The following TRIO variants were observed in gnomAD, a reference collection of about 807,000 sequenced individuals.
TRIO encodes the protein triple functional domain protein.
In TRIO, 58 loss-of-function variants were observed where a neutral mutation model predicts 351.9. The observed-to-expected ratio is 0.16, with a 90% CI of 0.13 to 0.21. TRIO has a LOEUF of 0.21. Ranked by LOEUF, TRIO falls within the 10% of genes least tolerant of loss-of-function variation. The pLI, the probability that TRIO is intolerant of heterozygous loss-of-function variation, is 1.00. For synonymous variants in TRIO, 1,758 were observed against 1,595.7 expected (o/e 1.10, Z -2.42); for missense variants, 3,201 against 4,027.8 (o/e 0.79, Z 5.56).
chr5:14,346,773 A>G (rs1166512895), intron 11 of TRIO, among the ~76,000 whole-genome samples: 3 of 152,256 alleles, frequency 2.0e-5, no homozygotes, highest in Admixed American at 2.0e-4. Context: ...AGTATGGGCT[A>G]TCTCTTAGTT....
intron 34 of TRIO, among the ~76,000 whole-genome samples, chr5:14,455,861 G>A (rs971965293): frequency 4.6e-5 from 7 of 152,368 alleles, no homozygotes; most frequent in African/African-American, 1.4e-4. Context: ...GGCCACAGGC[G>A]GAGCTGCCCG....
At chr5:14,238,939 A>G (rs753434970) in intron 1 of TRIO, among the ~76,000 whole-genome samples, 9 of 152,226 alleles carry the variant, frequency 5.9e-5, no homozygotes, top group Non-Finnish European at 1.2e-4. Context: ...AAAAACAGGT[A>G]CTTCGTAGGA....
At chr5:14,428,157 A>G (rs1750802618) in intron 34 of TRIO, among the ~76,000 whole-genome samples, 2 of 152,146 alleles carry the variant, frequency 1.3e-5, no homozygotes, top group Admixed American at 6.5e-5. Flanking sequence ...TGCTTATAAC[A>G]TTTCCGTGAC....
chr5:14,313,103 T>A (rs1272872204), intron 8 of TRIO, among the ~76,000 whole-genome samples: 1 of 152,240 alleles, frequency 6.6e-6, no homozygotes, highest in Non-Finnish European at 1.5e-5. Context: ...TGGAGTTCCA[T>A]GCTGTCTGGT....
At chr5:14,318,650 A>G (rs1026015748) in intron 9 of TRIO, among the ~76,000 whole-genome samples, 1 of 152,236 alleles carries the variant, frequency 6.6e-6, no homozygotes, top group African/African-American at 2.4e-5. Flanking sequence ...GAAAGAATAC[A>G]GTGCAGGAAA....
At chr5:14,458,866 C>T (rs939420261) in intron 34 of TRIO, among the ~76,000 whole-genome samples, 1 of 152,200 alleles carries the variant, frequency 6.6e-6, no homozygotes, top group Admixed American at 6.5e-5. Flanking sequence ...GGATTTCATT[C>T]TTTTCCTACC....
intron 1 of TRIO, among the ~76,000 whole-genome samples, chr5:14,190,496 A>T (rs1790389243): frequency 1.3e-5 from 2 of 152,072 alleles, no homozygotes. Context: ...AAGAAATCTG[A>T]GTCAGTCTGA....
At chr5:14,277,330 GTTTGTTTTTGTT>G (rs761287976) in intron 2 of TRIO, among the ~76,000 whole-genome samples, 1 of 152,142 alleles carries the variant, frequency 6.6e-6, no homozygotes, top group Non-Finnish European at 1.5e-5. Flanking sequence ...ACAAAAACTG[GTTTGTTTTTGTT>G]TTTGTTTTTT....
At chr5:14,187,241 A>G (rs1279434230) in intron 1 of TRIO, among the ~76,000 whole-genome samples, 1 of 152,228 alleles carries the variant, frequency 6.6e-6, no homozygotes, top group East Asian at 1.9e-4. Flanking sequence ...TTCAAAATGT[A>G]GTATATAGCA....
intron 19 of TRIO, among the ~76,000 whole-genome samples, 185 bp downstream of exon 19, chr5:14,374,528 A>G (rs950778890): frequency 2.6e-5 from 4 of 152,234 alleles, no homozygotes; most frequent in African/African-American, 9.6e-5. Context: ...TTATAGGTTG[A>G]TATTATATTG....
chr5:14,232,625 T>G (rs1793513687), intron 1 of TRIO, among the ~76,000 whole-genome samples: 1 of 152,222 alleles, frequency 6.6e-6, no homozygotes, highest in Non-Finnish European at 1.5e-5. Flanking sequence ...TTGTCCACCA[T>G]GTTTTATGCT....
At chr5:14,168,369 C>A (rs371503597) in intron 1 of TRIO, among the ~76,000 whole-genome samples, 2 of 152,226 alleles carry the variant, frequency 1.3e-5, no homozygotes, top group Non-Finnish European at 2.9e-5. Context: ...GGAGGTCCCA[C>A]GTAGGTGAAC....
At chr5:14,244,863 A>G (rs979285525) in intron 1 of TRIO, among the ~76,000 whole-genome samples, 2 of 152,150 alleles carry the variant, frequency 1.3e-5, no homozygotes, top group Non-Finnish European at 2.9e-5. Flanking sequence ...AGCACAGGGT[A>G]AATGAGGTTT....
intron 1 of TRIO, among the ~76,000 whole-genome samples, chr5:14,261,404 G>C (rs543680025): frequency 4.6e-5 from 7 of 152,314 alleles, no homozygotes; most frequent in Non-Finnish European, 1.0e-4. Flanking sequence ...ATGGAGTCAC[G>C]TGAGCCCTCA....
intron 1 of TRIO, among the ~76,000 whole-genome samples, chr5:14,158,754 C>T (rs181183699): frequency 6.6e-6 from 1 of 152,146 alleles, no homozygotes; most frequent in South Asian, 2.1e-4. Flanking sequence ...TTGCTTGAGC[C>T]TAGGAGTTTG....
chr5:14,395,816 C>A (rs1468941634), intron 28 of TRIO, among the ~76,000 whole-genome samples: 2 of 152,102 alleles, frequency 1.3e-5, no homozygotes, highest in Admixed American at 1.3e-4. Context: ...GAGGCCGAGG[C>A]AGGCGGATCA....
chr5:14,333,973 C>G (rs1164519941), intron 10 of TRIO, among the ~76,000 whole-genome samples: 1 of 152,238 alleles, frequency 6.6e-6, no homozygotes, highest in East Asian at 1.9e-4. Context: ...CTCCCTGACT[C>G]TGATATCCTC....
In TRIO at chr5:14,286,936, T is replaced by A. The variant is rs1337870238; in HGVS notation, c.413T>A (p.Ile138Asn). Residue 138 changes from isoleucine to asparagine, a missense_variant, in exon 4 of 57, where the codon ATC becomes AAC. Ile to Asn is a moderately radical substitution (Grantham distance 149). Around this residue, in one of 19 missense-constraint regions of TRIO, gnomAD observed 30 missense variants for 35.1 expected, o/e 0.85. Coordinates refer to ENST00000344204, the MANE Select transcript of TRIO (RefSeq NM_007118.4). The surrounding 1 kb of genome is among the most constrained non-coding windows in gnomAD (Gnocchi z 4.4). Reference protein sequence around the residue: ...VDMRGSKWDSIKPLLKILQES... With the variant: ...VDMRGSKWDSNKPLLKILQES... Reference sequence around the variant, plus strand: ...ATGCGTGGGTCCAAGTGGGACTCCATCAAGCCCCTTCTGAAGATCCTGCAG... The same window carrying A: ...ATGCGTGGGTCCAAGTGGGACTCCAACAAGCCCCTTCTGAAGATCCTGCAG... The A allele has an allele frequency of 6.2e-7, 1 of 1,614,046 alleles. No homozygotes were observed.
intron 1 of TRIO, among the ~76,000 whole-genome samples, chr5:14,223,858 T>A (rs1792809176): frequency 6.6e-6 from 1 of 152,242 alleles, no homozygotes; most frequent in Non-Finnish European, 1.5e-5. Flanking sequence ...GAGGTACATA[T>A]TGTCTTACTG....
Sources: gnomAD v4.1 joint callset for allele counts (sites outside exome capture counted in the v4.1 genomes callset) on GRCh38, gnomAD v4.1.1 for gene constraint, gnomAD v4.1.1 regional missense constraint, Gnocchi (gnomAD v3.1) non-coding constraint, MANE v1.5 for transcripts, NCBI Gene and HGNC (gene_info 2026-07-23, HGNC 2026-07-21) for gene names.